TRIM69: variants seen among roughly 807,000 people sequenced by gnomAD.
The protein encoded by TRIM69 is tripartite motif containing 69, also known as E3 ubiquitin-protein ligase TRIM69.
In TRIM69, 29 loss-of-function variants were observed where a neutral mutation model predicts 37.7. The observed-to-expected ratio is 0.77, with a 90% CI of 0.57 to 1.05. TRIM69 has a LOEUF of 1.05. Ranked by LOEUF, TRIM69 falls within the 50% of genes least tolerant of loss-of-function variation. The probability of loss-of-function intolerance (pLI) is 0.00; values close to 1 mark genes in which losing one functional copy is unlikely to be tolerated. For synonymous variants in TRIM69, 209 were observed against 212.4 expected (o/e 0.98, Z 0.14); for missense variants, 596 against 579.9 (o/e 1.03, Z -0.28).
intron 1 of TRIM69, chr15:44,754,156 CATT>C (rs1219145550): frequency 7.6e-6 from 1 of 132,116 alleles, no homozygotes; most frequent in Admixed American, 8.5e-5. Context: ...GATGGAGTGT[CATT>C]GTTGTTGCCC....
intron 1 of TRIM69, among the ~76,000 whole-genome samples, chr15:44,748,779 T>C (rs1245152590): frequency 7.3e-6 from 1 of 137,064 alleles, no homozygotes; most frequent in Non-Finnish European, 1.5e-5. Flanking sequence ...TGAGCCAAGA[T>C]CATGCCATTA....
chr15:44,756,067 T>A (rs1596029457), intron 2 of TRIM69, among the ~76,000 whole-genome samples: 1 of 152,198 alleles, frequency 6.6e-6, no homozygotes, highest in East Asian at 1.9e-4. Context: ...TCTTTTTTTT[T>A]CTTTGTTTTG....
In TRIM69 at chr15:44,756,581, C is replaced by G. The variant is rs946763426; in HGVS notation, c.579+118C>G. Reference sequence around the variant, plus strand: ...ATCTACACACTAAATGGTACCTAGGCTATGGAATTGGAAAACTGAGTCTGT... The same window carrying G: ...ATCTACACACTAAATGGTACCTAGGGTATGGAATTGGAAAACTGAGTCTGT... On this transcript the variant is annotated intron_variant, in intron 3 of 6. Transcript: ENST00000329464. 4.5e-6 allele frequency: 3 copies of G among 659,872 alleles called. No individual in the cohort carries two copies. The African/African-American group carries it at 5.4e-5, about 12-fold the overall frequency. The allele number at this position is 659,872 out of a possible 1,614,324, so 40.9% of individuals were successfully genotyped here.
intron 6 of TRIM69, among the ~76,000 whole-genome samples, chr15:44,761,909 T>A (rs1473265136): frequency 6.6e-6 from 1 of 152,246 alleles, no homozygotes; most frequent in African/African-American, 2.4e-5. Flanking sequence ...AAATCCTTTA[T>A]CAGATATATG....
rs2087707385 is a variant in TRIM69, at chr15:44,758,752, G to A, written c.711G>A (p.Glu237=). 1 of 1,614,188 alleles carries A rather than the reference G, an allele frequency of 6.2e-7. No homozygotes were observed. Among genetic ancestry groups the A allele is most frequent in the Non-Finnish European group, 8.5e-7 (1 of 1,180,030 alleles). ...GGAAAGCCTTGAATGAGGAGATGGA[G>A]TTGAATCTGAGCCAGCTTCAGGAGC... ...EEGKALNEEM[E]LNLSQLQEQC... The change falls in exon 4 of 7, where the codon GAG becomes GAA. Residue 237 remains glutamate, a synonymous_variant. Coordinates refer to ENST00000329464, the MANE Select transcript of TRIM69 (RefSeq NM_182985.5).
chr15:44,744,247 A>G (rs919356533), intron 1 of TRIM69, among the ~76,000 whole-genome samples: 8 of 138,352 alleles, frequency 5.8e-5, no homozygotes, highest in African/African-American at 2.2e-4. Flanking sequence ...ATAGGTGGGA[A>G]TTGAACACTG....
At chr15:44,745,355 T>C (rs547285118) in intron 1 of TRIM69, among the ~76,000 whole-genome samples, 28 of 152,246 alleles carry the variant, frequency 1.8e-4, no homozygotes, top group African/African-American at 6.5e-4. Flanking sequence ...ATACAGACTT[T>C]ACAAAATTTG....
chr15:44,765,032 T>C (rs1424553910), intron 6 of TRIM69, among the ~76,000 whole-genome samples: 4 of 152,214 alleles, frequency 2.6e-5, no homozygotes, highest in Non-Finnish European at 4.4e-5. Context: ...TGGCTTGATC[T>C]CATTCATGAT....
Position 44,755,037 on chromosome 15 carries a change from C to A in TRIM69, c.144C>A (p.Phe48Leu), listed in dbSNP as rs768458983. Reference sequence around the variant, plus strand: ...ACTGCCCTCTGTGCAATGATTGGTTCCGAGACCCACTGATGCTAAGCTGTG... The same window carrying A: ...ACTGCCCTCTGTGCAATGATTGGTTACGAGACCCACTGATGCTAAGCTGTG... The part of the protein sequence containing the change: ...ELHCPLCNDW[F>L]RDPLMLSCGH... Residue 48 changes from phenylalanine (F) to leucine (L), a missense_variant, in exon 2 of 7, where the codon TTC becomes TTA. Coordinates refer to ENST00000329464, the MANE Select transcript of TRIM69 (RefSeq NM_182985.5). The A allele has an allele frequency of 3.1e-6, 5 of 1,614,192 alleles. No homozygotes were observed. Among genetic ancestry groups the A allele is most frequent in the Middle Eastern group, 3.3e-4 (2 of 6,062 alleles).
intron 6 of TRIM69, among the ~76,000 whole-genome samples, chr15:44,762,828 G>A (rs1285797519): frequency 2.6e-5 from 4 of 151,646 alleles, no homozygotes; most frequent in Non-Finnish European, 5.9e-5. Flanking sequence ...TGTCATTTCT[G>A]GGCCTGATTT....
intron 4 of TRIM69, among the ~76,000 whole-genome samples, 153 bp from the exon 5 acceptor site, chr15:44,759,487 T>G (rs2087726517): frequency 6.6e-6 from 1 of 152,152 alleles, no homozygotes; most frequent in Non-Finnish European, 1.5e-5. Flanking sequence ...GGATCAGGGA[T>G]GAAGATTAGA....
chr15:44,755,563 T>C (rs1288531557), intron 2 of TRIM69, among the ~76,000 whole-genome samples, 187 bp downstream of exon 2: 1 of 152,206 alleles, frequency 6.6e-6, no homozygotes, highest in Non-Finnish European at 1.5e-5. Flanking sequence ...AAAGGAACAG[T>C]GGAGGAGCCC....
chr15:44,764,047 G>C (rs1487994102), intron 6 of TRIM69, among the ~76,000 whole-genome samples: 4 of 152,174 alleles, frequency 2.6e-5, no homozygotes, highest in African/African-American at 4.8e-5. Context: ...TGCATGTGCA[G>C]ATTAGTACTC....
chr15:44,765,947 A>G (rs552815655), intron 6 of TRIM69, among the ~76,000 whole-genome samples: 1 of 152,284 alleles, frequency 6.6e-6, no homozygotes, highest in African/African-American at 2.4e-5. Context: ...CAATGATCTC[A>G]CATCTGGAAT....
chr15:44,760,835 T>G (rs2087758622), intron 6 of TRIM69, among the ~76,000 whole-genome samples: 1 of 152,200 alleles, frequency 6.6e-6, no homozygotes, highest in African/African-American at 2.4e-5. Flanking sequence ...TATTTCACTT[T>G]AAATGTGTCT....
intron 1 of TRIM69, among the ~76,000 whole-genome samples, chr15:44,744,912 G>A (rs539092459): frequency 6.6e-6 from 1 of 152,174 alleles, no homozygotes; most frequent in African/African-American, 2.4e-5. Context: ...CTGCCACCTG[G>A]GGAAAGGCAT....
chr15:44,746,216 A>T (rs527470596), intron 1 of TRIM69, among the ~76,000 whole-genome samples: 93 of 152,330 alleles, frequency 6.1e-4, no homozygotes, highest in African/African-American at 1.6e-3. Context: ...TGACATCTTC[A>T]AAGTAATTGA....
At position 44,755,371 on chromosome 15, in the gene TRIM69, T is replaced by G; in HGVS notation, c.478T>G (p.Phe160Val). 3 of 1,611,336 alleles carry G rather than the reference T, an allele frequency of 1.9e-6. No individual in the cohort carries two copies. Among genetic ancestry groups the G allele is most frequent in the Non-Finnish European group, 2.5e-6 (3 of 1,178,364 alleles). Residue 160 changes from phenylalanine (F) to valine (V), a missense_variant, in exon 2 of 7, where the codon TTC becomes GTC. Phe to Val is a conservative substitution (Grantham distance 50). Coordinates refer to ENST00000329464, the MANE Select transcript of TRIM69 (RefSeq NM_182985.5). ...GCAAATCTCTGATGCTGTCCATTTC[T>G]TCACGGTGGGTGAGCCCTGGGCCTT... ...FLQISDAVHF[F>V]TEELAIQQGQ...
At chr15:44,748,229 T>C (rs1335218873) in intron 1 of TRIM69, among the ~76,000 whole-genome samples, 1 of 152,200 alleles carries the variant, frequency 6.6e-6, no homozygotes, top group Admixed American at 6.5e-5. Flanking sequence ...GATATGCAAG[T>C]TGAAAAGTAG....
Sources: gnomAD v4.1 joint callset for allele counts (sites outside exome capture counted in the v4.1 genomes callset) on GRCh38, gnomAD v4.1.1 for gene constraint, MANE v1.5 for transcripts, NCBI Gene and HGNC (gene_info 2026-07-23, HGNC 2026-07-21) for gene names.